ABCG2: variants seen among roughly 807,000 people sequenced by gnomAD.
The protein encoded by ABCG2 is broad substrate specificity ATP-binding cassette transporter ABCG2.
In ABCG2, 80 loss-of-function variants were observed where a neutral mutation model predicts 73.5. The observed-to-expected ratio is 1.09, with a 90% CI of 0.91 to 1.31. ABCG2 has a LOEUF of 1.31. ABCG2 is among the 50% of genes most tolerant of loss of function. ABCG2 has a pLI of 0.00. For missense variants in ABCG2, 796 were observed against 786.2 expected, an observed-to-expected ratio of 1.01 and a Z score of -0.15; for synonymous variants, 269 against 282.4, an observed-to-expected ratio of 0.95 and a Z score of 0.48.
At chr4:88,094,347 G>A (rs1000002258) in intron 15 of ABCG2, among the ~76,000 whole-genome samples, 11 of 151,854 alleles carry the variant, frequency 7.2e-5, no homozygotes, top group Admixed American at 2.6e-4. Context: ...AGAAACAAAC[G>A]TAAGAAACAT....
chr4:88,141,130 G>A (rs1447359322), intron 1 of ABCG2, among the ~76,000 whole-genome samples: 2 of 152,250 alleles, frequency 1.3e-5, no homozygotes, highest in East Asian at 3.9e-4. Flanking sequence ...CTCTGCCTAT[G>A]ATTGAGTTGC....
At position 88,114,948 on chromosome 4, in the gene ABCG2, T is replaced by C. The variant is rs1377878929; in HGVS notation, c.943+9A>G. The C allele has an allele frequency of 6.3e-7, 1 of 1,589,142 alleles. No individual in the cohort carries two copies. Among genetic ancestry groups the C allele is most frequent in the Non-Finnish European group, 8.6e-7 (1 of 1,159,590 alleles). On this transcript the variant is annotated intron_variant, in intron 8 of 15. Transcript: ENST00000237612. The stretch of plus-strand genomic sequence containing the variant: ...GGCAAAAATCTGGGACTGTAACAGA[T>C]TCATATACCTTTAAAGTCTTCTTCT...
intron 1 of ABCG2, among the ~76,000 whole-genome samples, chr4:88,222,367 C>G (rs561543850): frequency 6.6e-6 from 1 of 152,318 alleles, no homozygotes; most frequent in Admixed American, 6.5e-5. Flanking sequence ...CAAATCTCAT[C>G]TTGAATTCCC....
Position 88,092,117 on chromosome 4 carries a change from G to A in ABCG2, c.*117C>T. 2 of 900,316 alleles carry A rather than the reference G, an allele frequency of 2.2e-6. No individual in the cohort carries two copies. The highest frequency in any genetic ancestry group is 1.9e-5 in the South Asian group (1 of 52,758). 55.8% of individuals were successfully genotyped at this position (900,316 alleles called of 1,614,324 possible). On this transcript the variant is annotated 3_prime_UTR_variant, in exon 16 of 16. Coordinates refer to ENST00000237612, the MANE Select transcript of ABCG2 (RefSeq NM_004827.3). Reference sequence around the variant, plus strand: ...AATGTATCTCTTTAAAACAATTGCTGCTGTGCAACAGTGTGATGGCAAGGG... The same window carrying A: ...AATGTATCTCTTTAAAACAATTGCTACTGTGCAACAGTGTGATGGCAAGGG...
chr4:88,224,448 AAAC>A, intron 1 of ABCG2, among the ~76,000 whole-genome samples: 1 of 151,792 alleles, frequency 6.6e-6, no homozygotes, highest in Non-Finnish European at 1.5e-5. Context: ...CAAAAACAAA[AAAC>A]AAAAAGCAGA....
chr4:88,153,781 C>T (rs1278664697), intron 1 of ABCG2, among the ~76,000 whole-genome samples: 4 of 152,054 alleles, frequency 2.6e-5, no homozygotes, highest in East Asian at 1.9e-4. Flanking sequence ...TTTCCTGACT[C>T]GGGGCATGTG....
intron 1 of ABCG2, among the ~76,000 whole-genome samples, chr4:88,193,759 T>C (rs1478936032): frequency 6.6e-6 from 1 of 152,210 alleles, no homozygotes. Flanking sequence ...TTTTATTTTA[T>C]TTTGAGACAG....
At chr4:88,229,110 C>G (rs1578295176) in intron 1 of ABCG2, among the ~76,000 whole-genome samples, 1 of 152,230 alleles carries the variant, frequency 6.6e-6, no homozygotes, top group Admixed American at 6.5e-5. Flanking sequence ...CATAATAAAT[C>G]TTGCTGCTGC....
intron 1 of ABCG2, among the ~76,000 whole-genome samples, chr4:88,144,109 C>T (rs1725814171): frequency 6.6e-6 from 1 of 152,172 alleles, no homozygotes; most frequent in Admixed American, 6.5e-5. Context: ...GTCCCTACAA[C>T]AAAAATCAAC....
intron 1 of ABCG2, among the ~76,000 whole-genome samples, chr4:88,211,358 G>GCCTCCC (rs1729583795): frequency 3.0e-5 from 1 of 33,648 alleles, no homozygotes; most frequent in Non-Finnish European, 5.6e-5. Flanking sequence ...TTCAACCCCT[G>GCCTCCC]CCCCACCCCC....
chr4:88,222,583 G>A (rs933579855), intron 1 of ABCG2, among the ~76,000 whole-genome samples: 1 of 152,224 alleles, frequency 6.6e-6, no homozygotes, highest in Non-Finnish European at 1.5e-5. Flanking sequence ...CACCCATGTG[G>A]AACTGTGAGT....
Position 88,131,166 on chromosome 4 carries a change from G to A in ABCG2, c.426C>T (p.Phe142=). The change falls in exon 5 of 16, where the codon TTC becomes TTT. Residue 142 remains phenylalanine, a synonymous_variant. Transcript: ENST00000237612. ...GTLTVRENLQ[F]SAALRLATTM... ...TTGTTGCAAGCCGAAGAGCTGCTGAGAACTGTAAGTTTTCTCTCACCGTCA... is the reference window on the plus strand; with the variant it reads ...TTGTTGCAAGCCGAAGAGCTGCTGAAAACTGTAAGTTTTCTCTCACCGTCA... 6.2e-7 allele frequency: 1 copy of A among 1,613,922 alleles called. No individual in the cohort carries two copies. The highest frequency in any genetic ancestry group is 8.5e-7 in the Non-Finnish European group (1 of 1,179,940).
At chr4:88,146,506 T>C (rs1481105519) in intron 1 of ABCG2, among the ~76,000 whole-genome samples, 1 of 152,010 alleles carries the variant, frequency 6.6e-6, no homozygotes, top group Non-Finnish European at 1.5e-5. Flanking sequence ...GCAATTCTCC[T>C]GCATCAGCCT....
chr4:88,210,451 T>C (rs552490854), intron 1 of ABCG2, among the ~76,000 whole-genome samples: 1 of 152,346 alleles, frequency 6.6e-6, no homozygotes, highest in East Asian at 1.9e-4. Context: ...AGCCTTACCT[T>C]TGCCTTATTT....
At chr4:88,127,601 G>A (rs1020306492) in intron 5 of ABCG2, among the ~76,000 whole-genome samples, 7 of 151,998 alleles carry the variant, frequency 4.6e-5, no homozygotes, top group African/African-American at 1.7e-4. Flanking sequence ...CAGAACAGAG[G>A]CCTCAGAAAT....
chr4:88,151,504 C>T (rs917977316), intron 1 of ABCG2, among the ~76,000 whole-genome samples: 2 of 152,000 alleles, frequency 1.3e-5, no homozygotes, highest in Admixed American at 6.5e-5. Flanking sequence ...TTTGGGAGGC[C>T]GAGGCAGGTG....
At chr4:88,136,290 C>T (rs1725238872) in intron 2 of ABCG2, among the ~76,000 whole-genome samples, 1 of 152,072 alleles carries the variant, frequency 6.6e-6, no homozygotes, top group Non-Finnish European at 1.5e-5. Flanking sequence ...GGTCTCACTC[C>T]ACTGAGAAAG....
intron 6 of ABCG2, among the ~76,000 whole-genome samples, chr4:88,120,245 C>T (rs1426626273): frequency 2.0e-5 from 3 of 152,218 alleles, no homozygotes; most frequent in Admixed American, 1.3e-4. Context: ...GTGGAGCCCT[C>T]ATGGAGAACC....
At chr4:88,130,672 T>C (rs1410718781) in intron 5 of ABCG2, among the ~76,000 whole-genome samples, 1 of 151,540 alleles carries the variant, frequency 6.6e-6, no homozygotes, top group East Asian at 1.9e-4. Context: ...TATACCTCAA[T>C]AGCAATGGAA....
Sources: allele counts gnomAD v4.1 joint callset (sites outside exome capture counted in the v4.1 genomes callset), GRCh38; gene constraint gnomAD v4.1.1; transcripts MANE v1.5; gene names NCBI Gene and HGNC (gene_info 2026-07-23, HGNC 2026-07-21).